Variants in MTHFD2L observed in about 807,000 individuals in gnomAD.
MTHFD2L encodes bifunctional methylenetetrahydrofolate dehydrogenase/cyclohydrolase 2, mitochondrial.
A neutral mutation model predicts 34.9 loss-of-function variants in MTHFD2L; 29 were observed. The ratio of observed to expected loss-of-function variants is 0.83; its 90% confidence interval spans 0.62 to 1.13. The LOEUF is 1.13. Ranked by LOEUF, MTHFD2L falls within the 50% of genes most tolerant of loss-of-function variation. The pLI is 0.00. For synonymous variants in MTHFD2L, 167 were observed against 155.7 expected (o/e 1.07, Z -0.54); for missense variants, 481 against 446.5 (o/e 1.08, Z -0.70).
intron 1 of MTHFD2L, among the ~76,000 whole-genome samples, chr4:74,145,799 A>G (rs1056287391): frequency 6.6e-6 from 1 of 152,116 alleles, no homozygotes; most frequent in Non-Finnish European, 1.5e-5. Flanking sequence ...GAGTTCTCAC[A>G]AGATCTGGTT....
At chr4:74,185,948 C>T (rs577829575) in intron 3 of MTHFD2L, among the ~76,000 whole-genome samples, 13 of 152,214 alleles carry the variant, frequency 8.5e-5, no homozygotes, top group Admixed American at 2.0e-4. Context: ...AATTATGAGT[C>T]GGTATCCTTC....
At chr4:74,185,151 C>CAAAAAAAAAAAA (rs1169021073) in intron 3 of MTHFD2L, among the ~76,000 whole-genome samples, 7 of 15,974 alleles carry the variant, frequency 4.4e-4, no homozygotes, top group African/African-American at 8.0e-4. Flanking sequence ...GACTCCATCT[C>CAAAAAAAAAAAA]AAAAAAAAAA....
intron 1 of MTHFD2L, among the ~76,000 whole-genome samples, chr4:74,131,738 C>A (rs570566643): frequency 6.6e-6 from 1 of 152,270 alleles, no homozygotes; most frequent in South Asian, 2.1e-4. Flanking sequence ...CAAATGGGAT[C>A]TAATTAACCT....
At chr4:74,265,821 C>T (rs1349288012) in intron 6 of MTHFD2L, among the ~76,000 whole-genome samples, 1 of 152,172 alleles carries the variant, frequency 6.6e-6, no homozygotes, top group African/African-American at 2.4e-5. Flanking sequence ...TCTATATCAA[C>T]ATTTGTCCAG....
upstream of MTHFD2L, among the ~76,000 whole-genome samples, chr4:74,156,218 T>C (rs1724242593): frequency 6.6e-6 from 1 of 152,170 alleles, no homozygotes; most frequent in South Asian, 2.1e-4. Context: ...AAACCCTCTG[T>C]GCTACACACT....
At chr4:74,225,445 C>G (rs960163721) in intron 6 of MTHFD2L, 51 bp downstream of exon 6, 3 of 1,443,152 alleles carry the variant, frequency 2.1e-6, no homozygotes, top group Non-Finnish European at 2.9e-6. Flanking sequence ...CAGAATAATT[C>G]CTGCCCTAAA....
intron 1 of MTHFD2L, chr4:74,160,428 C>A (rs1416901234): frequency 6.3e-6 from 1 of 157,842 alleles, no homozygotes; most frequent in Non-Finnish European, 1.4e-5. Flanking sequence ...TAGTGGAGAA[C>A]TTTTTTAAGT....
chr4:74,122,289 G>A (rs1721805270), upstream of MTHFD2L, among the ~76,000 whole-genome samples: 1 of 152,186 alleles, frequency 6.6e-6, no homozygotes, highest in Non-Finnish European at 1.5e-5. Flanking sequence ...TGGCTGGAAA[G>A]CCACAGGAAA....
intron 1 of MTHFD2L, among the ~76,000 whole-genome samples, chr4:74,166,443 A>G (rs551492555): frequency 2.6e-5 from 4 of 152,350 alleles, no homozygotes; most frequent in Admixed American, 2.6e-4. Context: ...TGTTTGAGCT[A>G]TGATTTTTTA....
upstream of MTHFD2L, chr4:74,157,421 T>C (rs1578271968): frequency 2.8e-6 from 1 of 352,100 alleles, no homozygotes; most frequent in South Asian, 2.2e-5. Flanking sequence ...CAGTCTAATG[T>C]TTTACTTTTT....
chr4:74,283,143 A>T (rs1747710034), intron 7 of MTHFD2L, among the ~76,000 whole-genome samples: 1 of 152,174 alleles, frequency 6.6e-6, no homozygotes, highest in Admixed American at 6.6e-5. Context: ...AAAAGCAGGG[A>T]TGTTTGCAGT....
intron 3 of MTHFD2L, among the ~76,000 whole-genome samples, chr4:74,177,500 A>G (rs1455155711): frequency 2.0e-5 from 3 of 152,014 alleles, no homozygotes; most frequent in Non-Finnish European, 4.4e-5. Context: ...CAACAGGTAT[A>G]TGAAAATGAT....
intron 2 of MTHFD2L, among the ~76,000 whole-genome samples, chr4:74,116,698 T>C (rs1721660263): frequency 6.6e-6 from 1 of 152,206 alleles, no homozygotes; most frequent in African/African-American, 2.4e-5. Flanking sequence ...ACTGTGACCC[T>C]AGTGACTAGT....
At chr4:74,294,674 T>A (rs564283232) in intron 7 of MTHFD2L, among the ~76,000 whole-genome samples, 2 of 152,216 alleles carry the variant, frequency 1.3e-5, no homozygotes, top group Admixed American at 6.6e-5. Flanking sequence ...TCTTCCATCA[T>A]CTCTATCATC....
chr4:74,267,200 A>G (rs543530706), intron 6 of MTHFD2L: 32 of 985,162 alleles, frequency 3.2e-5, no homozygotes, highest in Admixed American at 6.1e-5. Flanking sequence ...ACCCTTGCCT[A>G]TTGTCCCTAC....
chr4:74,139,702 T>C (rs1723163130), intron 1 of MTHFD2L, among the ~76,000 whole-genome samples: 1 of 152,224 alleles, frequency 6.6e-6, no homozygotes, highest in African/African-American at 2.4e-5. Context: ...CTCATTCTCA[T>C]ATTTGAATTC....
chr4:74,282,768 C>T (rs1158904168), intron 7 of MTHFD2L, among the ~76,000 whole-genome samples: 1 of 152,144 alleles, frequency 6.6e-6, no homozygotes, highest in Non-Finnish European at 1.5e-5. Flanking sequence ...CTCTAATACA[C>T]AGGGTCTCTG....
upstream of MTHFD2L, among the ~76,000 whole-genome samples, chr4:74,119,970 G>C (rs1721724160): frequency 6.6e-6 from 1 of 151,804 alleles, no homozygotes; most frequent in Admixed American, 6.6e-5. Flanking sequence ...ACAAGACTTT[G>C]GAGTTTTTCA....
intron 6 of MTHFD2L, among the ~76,000 whole-genome samples, chr4:74,251,783 T>C (rs1021004508): frequency 6.6e-6 from 1 of 152,214 alleles, no homozygotes; most frequent in African/African-American, 2.4e-5. Flanking sequence ...AATGAGCTCC[T>C]AAACAGACCA....
Sources: allele counts gnomAD v4.1 joint callset (sites outside exome capture counted in the v4.1 genomes callset), GRCh38; gene constraint gnomAD v4.1.1; transcripts MANE v1.5; gene names NCBI Gene and HGNC (gene_info 2026-07-23, HGNC 2026-07-21).